Variants in GDPGP1 observed in about 807,000 individuals in gnomAD.
GDPGP1 encodes GDP-D-glucose phosphorylase C15orf58.
A neutral mutation model predicts 19.2 loss-of-function variants in GDPGP1; 18 were observed. The ratio of observed to expected loss-of-function variants is 0.94; its 90% CI spans 0.65 to 1.39. The LOEUF is 1.39. GDPGP1 is among the 40% of genes most tolerant of loss of function. The pLI is 0.00. For missense variants in GDPGP1, 449 were observed against 490.5 expected, an observed-to-expected ratio of 0.92 and a Z score of 0.80; for synonymous variants, 219 against 208.9, an observed-to-expected ratio of 1.05 and a Z score of -0.42.
Position 90,242,198 on chromosome 15 carries a change from C to T in GDPGP1, c.*132C>T, listed in dbSNP as rs1962778829. On this transcript the variant is annotated 3_prime_UTR_variant, in exon 4 of 4. Coordinates refer to ENST00000329600, the MANE Select transcript of GDPGP1 (RefSeq NM_001013657.3). ...CACCTCTGGGGCTGAAGTGATCCTCCCACCTCAGCCTCTTGAGTAGCTGAG... is the reference window on the plus strand; with the variant it reads ...CACCTCTGGGGCTGAAGTGATCCTCTCACCTCAGCCTCTTGAGTAGCTGAG... 3.0e-6 allele frequency: 2 copies of T among 674,746 alleles called. No homozygotes were observed. Among genetic ancestry groups the T allele is most frequent in the Non-Finnish European group, 2.4e-6 (1 of 411,474 alleles). The allele number at this position is 674,746 out of a possible 1,614,324, so 41.8% of individuals were successfully genotyped here.
rs1359102331 is a variant in GDPGP1 at position 90,245,377 on chromosome 15, G to T, written c.*3311G>T. 6.6e-6 allele frequency: 1 copy of T among 151,692 alleles called. No homozygotes were observed. The allele number at this position is 151,692 out of a possible 1,614,324, so 9.4% of individuals were successfully genotyped here. ...AGTCCCAGCTACTCAGGAGGCTGAG[G>T]CAGGAGAATCGCTTGGACCTGGGAG... is the stretch of plus-strand genomic sequence containing the variant. On this transcript the variant is annotated 3_prime_UTR_variant, in exon 4 of 4. Coordinates refer to ENST00000329600, the MANE Select transcript of GDPGP1 (RefSeq NM_001013657.3).
chr15:90,241,513 G>C lies in GDPGP1; in HGVS notation c.605G>C (p.Arg202Pro), dbSNP rs200135769. ...AVLLSLHPGF[R>P]VGFNSLGGLA... is the part of the protein sequence containing the mutation. ...CTGCTGAGCTTACACCCGGGCTTCC[G>C]TGTCGGCTTCAACAGCCTGGGAGGC... is the stretch of plus-strand genomic sequence containing the variant. The change falls in exon 4 of 4, where the codon CGT becomes CCT. Residue 202 changes from arginine (R) to proline (P), a missense_variant. Physicochemically the swap from Arg to Pro is moderately radical, Grantham distance 103. Transcript: ENST00000329600. 6.2e-7 allele frequency: 1 copy of C among 1,613,644 alleles called. No homozygotes were observed. The highest frequency in any genetic ancestry group is 1.1e-5 in the South Asian group (1 of 91,078).
chr15:90,235,699 C>T (rs1173583528), intron 2 of GDPGP1, among the ~76,000 whole-genome samples: 1 of 151,830 alleles, frequency 6.6e-6, no homozygotes, highest in Non-Finnish European at 1.5e-5. Flanking sequence ...TCCCCAGCAG[C>T]TGGGACTACA....
intron 2 of GDPGP1, among the ~76,000 whole-genome samples, chr15:90,235,147 G>A (rs1179161978): frequency 6.6e-6 from 1 of 152,114 alleles, no homozygotes; most frequent in Non-Finnish European, 1.5e-5. Context: ...CATCCTCAGG[G>A]AAGCCTTTCC....
At chr15:90,238,159 G>A (rs963004398) in intron 2 of GDPGP1, among the ~76,000 whole-genome samples, 1 of 152,154 alleles carries the variant, frequency 6.6e-6, no homozygotes, top group Non-Finnish European at 1.5e-5. Context: ...CATTAGCCGG[G>A]CGTGGTGACA....
rs1460399146 is a variant in GDPGP1, at chr15:90,244,510, T to C, written c.*2444T>C. On this transcript the variant is annotated 3_prime_UTR_variant, in exon 4 of 4. Coordinates refer to ENST00000329600, the MANE Select transcript of GDPGP1 (RefSeq NM_001013657.3). ...TCATTTTCCTTTTAGCTCCCTTGAATGTTATACAGCAAAAGTAAAAGAAGT... is the reference window on the plus strand; with the variant it reads ...TCATTTTCCTTTTAGCTCCCTTGAACGTTATACAGCAAAAGTAAAAGAAGT... The C allele has an allele frequency of 6.6e-6, 1 of 152,190 alleles. No homozygotes were observed. The highest frequency in any genetic ancestry group is 2.4e-5 in the African/African-American group (1 of 41,440). 9.4% of individuals were successfully genotyped at this position (152,190 alleles called of 1,614,324 possible).
Position 90,242,065 on chromosome 15 carries a change from A to G in GDPGP1, c.1157A>G (p.Ter386=). The part of the protein sequence containing the change: ...LVALMSQEEQ[*] ...GCCCTGATGTCCCAGGAAGAGCAAT[A>G]ATACTTCTGGATGTATTTATGTTCT... Residue 386 remains the stop codon, a stop_retained_variant, in exon 4 of 4, where the codon TAA becomes TGA. Coordinates refer to ENST00000329600, the MANE Select transcript of GDPGP1 (RefSeq NM_001013657.3). The G allele has an allele frequency of 1.3e-6, 2 of 1,597,696 alleles. No individual in the cohort carries two copies. The highest frequency in any genetic ancestry group is 1.7e-6 in the Non-Finnish European group (2 of 1,171,886).
intron 2 of GDPGP1, among the ~76,000 whole-genome samples, chr15:90,238,081 C>T (rs1440089669): frequency 1.3e-5 from 2 of 152,180 alleles, no homozygotes; most frequent in Non-Finnish European, 2.9e-5. Flanking sequence ...AGGTGGATCA[C>T]CTGAGGTCAG....
intron 3 of GDPGP1, among the ~76,000 whole-genome samples, chr15:90,240,208 G>A (rs1276670410): frequency 6.6e-6 from 1 of 150,670 alleles, no homozygotes; most frequent in Non-Finnish European, 1.5e-5. Context: ...GGGTGACAGA[G>A]TGATAAATAA....
In GDPGP1 at chr15:90,240,915, C is replaced by G. The variant is rs1390535292; in HGVS notation, c.7C>G (p.Leu3Val). The stretch of plus-strand genomic sequence containing the variant: ...ACTATTTCAGGTCAGCTCTATGGCT[C>G]TTCCACATGATTCAAACGAAACTTC... MA[L>V]PHDSNETSYL... is the part of the protein sequence containing the mutation. Residue 3 changes from leucine (L) to valine (V), a missense_variant, in exon 4 of 4, where the codon CTT becomes GTT. By Grantham distance (32) the Leu-to-Val change is conservative. Coordinates refer to ENST00000329600, the MANE Select transcript of GDPGP1 (RefSeq NM_001013657.3). The G allele has an allele frequency of 6.2e-7, 1 of 1,612,518 alleles. No individual in the cohort carries two copies. The highest frequency in any genetic ancestry group is 1.7e-5 in the Admixed American group (1 of 59,984).
In GDPGP1 at chr15:90,243,652, T is replaced by TG. The variant is rs1284836203; in HGVS notation, c.*1586_*1587insG. The TG allele has an allele frequency of 1.9e-5, 1 of 51,344 alleles. No homozygotes were observed. Among genetic ancestry groups the TG allele is most frequent in the Non-Finnish European group, 4.1e-5 (1 of 24,232 alleles). The allele number at this position is 51,344 out of a possible 1,614,324, so 3.2% of individuals were successfully genotyped here. ...CACCTTGGTGCAGGTTTTTTTTTTT[T>TG]TTTTTTTTTTTTTTTTTTGACACAG... On this transcript the variant is annotated 3_prime_UTR_variant, in exon 4 of 4. Transcript: ENST00000329600.
At position 90,241,646 on chromosome 15, in the gene GDPGP1, G is replaced by A. The variant is rs763245804; in HGVS notation, c.738G>A (p.Leu246=). The A allele has an allele frequency of 3.7e-6, 6 of 1,614,180 alleles. No homozygotes were observed. The highest frequency in any genetic ancestry group is 1.1e-5 in the South Asian group (1 of 91,088). ...EPLDPGGHLH[L]LQDLPAPGFL... ...TGGACCCTGGAGGCCATTTGCATCT[G>A]CTCCAGGACCTCCCAGCTCCTGGCT... The change falls in exon 4 of 4, where the codon CTG becomes CTA. Residue 246 remains leucine, a synonymous_variant. Coordinates refer to ENST00000329600, the MANE Select transcript of GDPGP1 (RefSeq NM_001013657.3).
intron 2 of GDPGP1, chr15:90,236,050 T>A (rs1962630680): frequency 6.6e-6 from 1 of 152,154 alleles, no homozygotes; most frequent in Non-Finnish European, 1.5e-5. Flanking sequence ...TGTCTTCTTT[T>A]TTTTTGAGAC....
intron 3 of GDPGP1, among the ~76,000 whole-genome samples, chr15:90,240,424 C>G (rs1962727194): frequency 6.6e-6 from 1 of 152,024 alleles, no homozygotes; most frequent in Non-Finnish European, 1.5e-5. Flanking sequence ...ATGAGAATCA[C>G]TTGAACCCAG....
Position 90,245,336 on chromosome 15 carries a change from G to T in GDPGP1, c.*3270G>T, listed in dbSNP as rs1962840581. The T allele has an allele frequency of 6.6e-6, 1 of 152,110 alleles. No homozygotes were observed. The highest frequency in any genetic ancestry group is 6.5e-5 in the Admixed American group (1 of 15,270). The allele number at this position is 152,110 out of a possible 1,614,324, so 9.4% of individuals were successfully genotyped here. A position where few individuals can be genotyped will look rare whatever the true frequency, so the allele number is the denominator to read the frequency against. Reference sequence around the variant, plus strand: ...CTAAAAACACAAAAATTAGCTGGGTGTGGGTGCACATCTATAGTCCCAGCT... The same window carrying T: ...CTAAAAACACAAAAATTAGCTGGGTTTGGGTGCACATCTATAGTCCCAGCT... On this transcript the variant is annotated 3_prime_UTR_variant, in exon 4 of 4. Transcript: ENST00000329600.
intron 3 of GDPGP1, among the ~76,000 whole-genome samples, chr15:90,239,827 A>G (rs1336412416): frequency 3.9e-5 from 6 of 152,192 alleles, no homozygotes; most frequent in Non-Finnish European, 8.8e-5. Flanking sequence ...TGGGATGCTG[A>G]GGTGAAAGAA....
At chr15:90,238,613 T>TCC (rs1962684015) in intron 3 of GDPGP1, 65 bp downstream of exon 3, 1 of 152,174 alleles carries the variant, frequency 6.6e-6, no homozygotes, top group Non-Finnish European at 1.5e-5. Context: ...CAGTGCTGGG[T>TCC]CCAGGGCTCC....
rs200215496 is a variant in GDPGP1 at position 90,241,786 on chromosome 15, G to A, written c.878G>A (p.Arg293Gln). The A allele has an allele frequency of 1.2e-4, 193 of 1,614,192 alleles. 1 individual carries two copies. In the South Asian group the frequency reaches 1.4e-3, roughly 12 times the overall value. Residue 293 changes from arginine to glutamine, a missense_variant, in exon 4 of 4, where the codon CGG (arginine) becomes CAG (glutamine). By Grantham distance (43) the Arg-to-Gln change is conservative. Transcript: ENST00000329600. The part of the protein sequence containing the change: ...HEIAHNLFVT[R>Q]GAPPGKTSPS... ...ATTGCTCATAACTTGTTTGTCACCC[G>A]GGGAGCTCCGCCGGGAAAGACATCA... is the stretch of plus-strand genomic sequence containing the variant.
rs776728078 is a variant in GDPGP1 at position 90,241,028 on chromosome 15, G to A, written c.120G>A (p.Gly40=). 3.1e-6 allele frequency: 5 copies of A among 1,614,022 alleles called. No homozygotes were observed. Among genetic ancestry groups the A allele is most frequent in the African/African-American group, 1.3e-5 (1 of 74,908 alleles). The part of the protein sequence containing the change: ...VYGQKDLMAE[G]IQWPRNAPGI... ...GGCAGAAGGATCTCATGGCAGAAGG[G>A]ATTCAGTGGCCAAGGAATGCACCTG... The change falls in exon 4 of 4, where the codon GGG becomes GGA. Residue 40 remains glycine, a synonymous_variant. Coordinates refer to ENST00000329600, the MANE Select transcript of GDPGP1 (RefSeq NM_001013657.3).
Sources: gnomAD v4.1 joint callset for allele counts (sites outside exome capture counted in the v4.1 genomes callset) on GRCh38, gnomAD v4.1.1 for gene constraint, MANE v1.5 for transcripts, NCBI Gene and HGNC (gene_info 2026-07-23, HGNC 2026-07-21) for gene names.